The following RNF212B variants were observed in gnomAD, a reference collection of about 807,000 sequenced individuals.
The protein encoded by RNF212B is ring finger protein 212B.
In RNF212B, 52 loss-of-function variants were observed where a neutral mutation model predicts 55.5. The observed-to-expected ratio is 0.94, with a 90% CI of 0.75 to 1.18. The LOEUF (loss-of-function observed/expected upper bound fraction) is 1.18, where lower values mean the gene tolerates loss of function less well. Among genes scored for constraint, RNF212B ranks in the 50% most tolerant of loss-of-function variants. The pLI, the probability that RNF212B is intolerant of heterozygous loss-of-function variation, is 0.00. For synonymous variants in RNF212B, 99 were observed against 121.4 expected (o/e 0.82, Z 1.21); for missense variants, 289 against 350.4 (o/e 0.82, Z 1.40).
At chr14:23,237,349 A>G (rs1165458838), upstream of RNF212B, among the ~76,000 whole-genome samples, 1 of 152,092 alleles carries the variant, frequency 6.6e-6, no homozygotes, top group East Asian at 1.9e-4. Context: ...AGTCTGGTCT[A>G]TAACTCCTGA....
At chr14:23,208,786 T>G in intron 2 of RNF212B, among the ~76,000 whole-genome samples, 2 of 97,732 alleles carry the variant, frequency 2.0e-5, no homozygotes, top group South Asian at 3.8e-4. Flanking sequence ...TGAGACGGAG[T>G]CTCACTCTGT....
chr14:23,236,097 A>C (rs1883070085), upstream of RNF212B, among the ~76,000 whole-genome samples: 4 of 152,358 alleles, frequency 2.6e-5, no homozygotes, highest in South Asian at 8.3e-4. Context: ...TGCAGAAGCA[A>C]ATATAGGACT....
intron 2 of RNF212B, among the ~76,000 whole-genome samples, chr14:23,199,456 G>T (rs1387128128): frequency 6.6e-6 from 1 of 152,212 alleles, no homozygotes; most frequent in Admixed American, 6.5e-5. Flanking sequence ...GCCCTAAGCA[G>T]TTCCCAGCTT....
intron 2 of RNF212B, among the ~76,000 whole-genome samples, chr14:23,209,595 T>C (rs1880274786): frequency 2.0e-5 from 3 of 152,206 alleles, no homozygotes; most frequent in South Asian, 4.1e-4. Context: ...CAGAATACTT[T>C]GACTTCCAAA....
At chr14:23,250,775 A>G (rs1485564536) in intron 4 of RNF212B, among the ~76,000 whole-genome samples, 1 of 152,210 alleles carries the variant, frequency 6.6e-6, no homozygotes, top group African/African-American at 2.4e-5. Context: ...TTAGGGAGAC[A>G]TGAGACATCA....
chr14:23,241,933 T>G (rs947773850), intron 2 of RNF212B, among the ~76,000 whole-genome samples: 1 of 150,766 alleles, frequency 6.6e-6, no homozygotes, highest in Non-Finnish European at 1.5e-5. Flanking sequence ...CTACAAAAAA[T>G]TAGCCGGGCA....
intron 2 of RNF212B, among the ~76,000 whole-genome samples, chr14:23,241,248 CA>C (rs1883543324): frequency 6.6e-6 from 1 of 151,996 alleles, no homozygotes; most frequent in Non-Finnish European, 1.5e-5. Flanking sequence ...TATTACATCA[CA>C]AAACCATAGT....
chr14:23,261,532 T>C (rs1474537460), intron 7 of RNF212B, among the ~76,000 whole-genome samples: 1 of 152,204 alleles, frequency 6.6e-6, no homozygotes, highest in Non-Finnish European at 1.5e-5. Flanking sequence ...AAGACTGCAT[T>C]AGGTGGAGTT....
chr14:23,260,462 A>C (rs984277520), intron 6 of RNF212B, among the ~76,000 whole-genome samples, 197 bp from the exon 7 acceptor site: 4 of 152,196 alleles, frequency 2.6e-5, no homozygotes, highest in Non-Finnish European at 5.9e-5. Context: ...ATGCACTCTT[A>C]TGAAGAACTA....
chr14:23,240,370 T>C lies in RNF212B; in HGVS notation c.25T>C (p.Cys9Arg). The change falls in exon 2 of 15, where the codon TGC becomes CGC. Residue 9 changes from cysteine (C) to arginine (R), a missense_variant. Cys to Arg is a radical substitution (Grantham distance 180). Coordinates refer to ENST00000430154, the MANE Select transcript of RNF212B (RefSeq NM_001282322.3). ...AATGGATTGGTTTCATTGCAACCAG[T>C]GCTTCCGAAAAGATGGGGCCCATTT... MDWFHCNQ[C>R]FRKDGAHFFV... is the part of the protein sequence containing the mutation. 1 of 1,550,384 alleles carries C rather than the reference T, an allele frequency of 6.5e-7. No individual in the cohort carries two copies. The highest frequency in any genetic ancestry group is 8.7e-7 in the Non-Finnish European group (1 of 1,146,808).
intron 4 of RNF212B, among the ~76,000 whole-genome samples, chr14:23,248,440 C>CT (rs34288769): frequency 0.11 from 12,488 of 112,728 alleles, 1,127 homozygotes; most frequent in East Asian, 0.19. Context: ...CCCCAAGCCT[C>CT]TTTTTTTTTT....
rs190378925 is a variant in RNF212B at position 23,262,612 on chromosome 14, A to C, written c.435-53A>C. On this transcript the variant is annotated intron_variant, in intron 7 of 14. Coordinates refer to ENST00000430154, the MANE Select transcript of RNF212B (RefSeq NM_001282322.3). ...GATCTGATTGATCCTCTAAAGTGGC[A>C]CTTGACCTCTGCCTAGAGAGATTAG... 1.2e-4 allele frequency: 177 copies of C among 1,478,744 alleles called. 1 individual carries two copies. In the East Asian group the frequency reaches 3.2e-3, roughly 26 times the overall value. The allele number at this position is 1,478,744 out of a possible 1,614,324, so 91.6% of individuals were successfully genotyped here. A position where few individuals can be genotyped will look rare whatever the true frequency, so the allele number is the denominator to read the frequency against.
intron 2 of RNF212B, among the ~76,000 whole-genome samples, chr14:23,197,681 G>T (rs979971718): frequency 6.6e-6 from 1 of 151,770 alleles, no homozygotes; most frequent in Non-Finnish European, 1.5e-5. Context: ...ATAATACAAT[G>T]AACTCTCATG....
At chr14:23,228,140 G>T (rs919813973) in intron 2 of RNF212B, among the ~76,000 whole-genome samples, 3 of 152,004 alleles carry the variant, frequency 2.0e-5, no homozygotes, top group Admixed American at 6.6e-5. Context: ...TGAGGCAGGA[G>T]AATTGCTTGA....
chr14:23,212,675 G>T (rs1241961273), intron 2 of RNF212B, among the ~76,000 whole-genome samples: 1 of 151,832 alleles, frequency 6.6e-6, no homozygotes, highest in Non-Finnish European at 1.5e-5. Context: ...TCCGCCTCCT[G>T]GGTTCACACT....
At chr14:23,246,042 T>C (rs1883954178) in intron 4 of RNF212B, among the ~76,000 whole-genome samples, 1 of 152,214 alleles carries the variant, frequency 6.6e-6, no homozygotes, top group Admixed American at 6.5e-5. Context: ...TTGATCAAGC[T>C]GACTGTTTTG....
intron 2 of RNF212B, among the ~76,000 whole-genome samples, chr14:23,208,880 C>T (rs543100898): frequency 2.0e-5 from 3 of 149,258 alleles, no homozygotes; most frequent in South Asian, 2.1e-4. Flanking sequence ...TGACTCAGCC[C>T]CCTGAGTAGT....
chr14:23,226,321 A>T (rs969326811), intron 2 of RNF212B, among the ~76,000 whole-genome samples: 11 of 143,776 alleles, frequency 7.7e-5, no homozygotes, highest in African/African-American at 2.6e-4. Context: ...AAAAAATTAA[A>T]TAAATAAATA....
At chr14:23,251,166 A>G (rs886752951) in intron 4 of RNF212B, among the ~76,000 whole-genome samples, 3 of 152,256 alleles carry the variant, frequency 2.0e-5, no homozygotes, top group African/African-American at 7.2e-5. Flanking sequence ...AAAGATGAAT[A>G]ATATTTGCAC....
Sources: allele counts gnomAD v4.1 joint callset (sites outside exome capture counted in the v4.1 genomes callset), GRCh38; gene constraint gnomAD v4.1.1; transcripts MANE v1.5; gene names NCBI Gene and HGNC (gene_info 2026-07-23, HGNC 2026-07-21).